TMEM178A: variants seen among roughly 807,000 people sequenced by gnomAD.
TMEM178A encodes transmembrane protein 178A.
A neutral mutation model predicts 29.1 loss-of-function variants in TMEM178A; 12 were observed. The ratio of observed to expected loss-of-function variants is 0.41; its 90% CI spans 0.26 to 0.67. The LOEUF (loss-of-function observed/expected upper bound fraction) is 0.67. Among genes scored for constraint, TMEM178A ranks in the 30% least tolerant of loss-of-function variants. The pLI, the probability that TMEM178A is intolerant of heterozygous loss-of-function variation, is 0.29. For synonymous variants in TMEM178A, 210 were observed against 187.2 expected, an observed-to-expected ratio of 1.12 and a Z score of -0.99; for missense variants, 366 against 419.1, an observed-to-expected ratio of 0.87 and a Z score of 1.11.
At chr2:39,701,790 T>G (rs964243834) in intron 1 of TMEM178A, among the ~76,000 whole-genome samples, 5 of 152,152 alleles carry the variant, frequency 3.3e-5, no homozygotes, top group African/African-American at 1.2e-4. Context: ...AGTTTGCTGC[T>G]TTTTTCTACC....
chr2:39,677,366 G>A (rs1670674770), intron 1 of TMEM178A, among the ~76,000 whole-genome samples: 1 of 152,172 alleles, frequency 6.6e-6, no homozygotes, highest in Non-Finnish European at 1.5e-5. Context: ...TGGCAACTGA[G>A]TGACCATGAT....
Position 39,699,026 on chromosome 2 carries a change from A to AT in TMEM178A, c.401-5038dup, listed in dbSNP as rs112782718. Reference sequence around the variant, plus strand: ...AGTAATAGCCTCTGTTTCATTCCTGATTTTTTTTTTTTTTTTTGAGACAGA... The same window carrying AT: ...AGTAATAGCCTCTGTTTCATTCCTGATTTTTTTTTTTTTTTTTTGAGACAGA... On this transcript the variant is annotated intron_variant, in intron 1 of 3. Transcript: ENST00000281961. Among the ~76,000 whole-genome samples, 1,119 of 135,332 alleles carry AT rather than the reference A, an allele frequency of 8.3e-3. 4 individuals carry two copies. Among genetic ancestry groups the AT allele is most frequent in the South Asian group, 0.015 (65 of 4,280 alleles). 88.8% of individuals were successfully genotyped at this position (135,332 alleles called of 152,430 possible). A position where few individuals can be genotyped will look rare whatever the true frequency, so the allele number is the denominator to read the frequency against.
At chr2:39,728,797 A>C in the TMEM178A span, among the ~76,000 whole-genome samples, 1 of 152,118 alleles carries the variant, frequency 6.6e-6, no homozygotes, top group East Asian at 1.9e-4. Flanking sequence ...TTTTCTCCTA[A>C]AGATGTATGT....
intron 1 of TMEM178A, among the ~76,000 whole-genome samples, chr2:39,689,082 G>C (rs1671203849): frequency 6.6e-6 from 1 of 152,148 alleles, no homozygotes; most frequent in African/African-American, 2.4e-5. Flanking sequence ...AGTCAATTCA[G>C]CTTGATCCAG....
intron 1 of TMEM178A, among the ~76,000 whole-genome samples, chr2:39,670,163 C>T (rs1377279775): frequency 6.6e-6 from 1 of 152,088 alleles, no homozygotes; most frequent in African/African-American, 2.4e-5. Flanking sequence ...CTTCAGGTAC[C>T]TCTGTGGCAC....
At chr2:39,702,722 C>CAAAAAAT (rs1671840194) in intron 1 of TMEM178A, among the ~76,000 whole-genome samples, 1 of 148,940 alleles carries the variant, frequency 6.7e-6, no homozygotes. Context: ...GTGGTTTCAT[C>CAAAAAAT]AAAAAATAAA....
At chr2:39,727,149 C>G in the TMEM178A span, among the ~76,000 whole-genome samples, 6 of 152,194 alleles carry the variant, frequency 3.9e-5, no homozygotes, top group East Asian at 1.2e-3. Flanking sequence ...GGATATTCCT[C>G]TATCTCAGAA....
chr2:39,705,368 A>G (rs1671978884), intron 2 of TMEM178A, among the ~76,000 whole-genome samples: 1 of 152,222 alleles, frequency 6.6e-6, no homozygotes, highest in Admixed American at 6.5e-5. Flanking sequence ...TTATATCTGA[A>G]CCTTGTGCCT....
At chr2:39,668,724 G>C (rs1175049017) in intron 1 of TMEM178A, among the ~76,000 whole-genome samples, 1 of 152,206 alleles carries the variant, frequency 6.6e-6, no homozygotes, top group Non-Finnish European at 1.5e-5. Context: ...GAGATGTCCA[G>C]AAATGCCTTG....
chr2:39,695,103 T>C (rs1472743731), intron 1 of TMEM178A, among the ~76,000 whole-genome samples: 1 of 152,214 alleles, frequency 6.6e-6, no homozygotes, highest in East Asian at 1.9e-4. Flanking sequence ...AAATTAAATC[T>C]CTGACCAGAA....
At chr2:39,721,462 G>A (rs1672700440), downstream of TMEM178A, among the ~76,000 whole-genome samples, 1 of 152,026 alleles carries the variant, frequency 6.6e-6, no homozygotes, top group South Asian at 2.1e-4. Flanking sequence ...AATACTGCCT[G>A]CTACTATAAG....
intron 1 of TMEM178A, among the ~76,000 whole-genome samples, chr2:39,696,168 A>T (rs183741937): frequency 2.6e-5 from 4 of 152,322 alleles, no homozygotes; most frequent in Admixed American, 2.6e-4. Flanking sequence ...AGGGTTGAGC[A>T]AGGAGGTCAG....
intron 1 of TMEM178A, among the ~76,000 whole-genome samples, chr2:39,667,382 G>T: frequency 6.8e-6 from 1 of 146,568 alleles, no homozygotes; most frequent in African/African-American, 2.5e-5. Flanking sequence ...AATATTCAGT[G>T]TGACAACTTG....
Position 39,707,195 on chromosome 2 carries a change from C to A in TMEM178A, c.652+9C>A. On this transcript the variant is annotated intron_variant, in intron 3 of 3. Transcript: ENST00000281961. The stretch of plus-strand genomic sequence containing the variant: ...CCTGTTCCTCATGACAGGTAGGCTG[C>A]ATGCCTCAGGCCGTCTGTCCCAGCC... The A allele has an allele frequency of 6.2e-7, 1 of 1,606,408 alleles. No homozygotes were observed.
At chr2:39,678,704 CAA>C (rs1456268584) in intron 1 of TMEM178A, among the ~76,000 whole-genome samples, 2 of 152,138 alleles carry the variant, frequency 1.3e-5, no homozygotes, top group African/African-American at 4.8e-5. Flanking sequence ...AAAAAAACCC[CAA>C]ATCTCTGATA....
At chr2:39,670,618 A>C (rs554355518) in intron 1 of TMEM178A, among the ~76,000 whole-genome samples, 1 of 152,344 alleles carries the variant, frequency 6.6e-6, no homozygotes, top group Admixed American at 6.5e-5. Context: ...TATATGTTTC[A>C]ACTACTGGAT....
intron 3 of TMEM178A, among the ~76,000 whole-genome samples, chr2:39,714,484 A>G (rs1178894336): frequency 3.3e-5 from 5 of 152,240 alleles, no homozygotes; most frequent in South Asian, 4.1e-4. Flanking sequence ...AAAGCATGCC[A>G]TGAAATCCCA....
At chr2:39,667,407 A>G (rs1461616779) in intron 1 of TMEM178A, among the ~76,000 whole-genome samples, 2 of 149,700 alleles carry the variant, frequency 1.3e-5, no homozygotes, top group Non-Finnish European at 3.0e-5. Context: ...GCTTCCTTTA[A>G]CTTTCAGAAC....
Position 39,666,288 on chromosome 2 carries a change from G to C in TMEM178A, c.314G>C (p.Arg105Pro), listed in dbSNP as rs746856012. ...GGCGGGCTGGACGCCGAGTGCGGCCGGCCCCTCTTCGCCACCTACTCGGGC... is the reference window on the plus strand; with the variant it reads ...GGCGGGCTGGACGCCGAGTGCGGCCCGCCCCTCTTCGCCACCTACTCGGGC... ...GLGGLDAECG[R>P]PLFATYSGLW... Residue 105 changes from arginine (R) to proline (P), a missense_variant, in exon 1 of 4, where the codon CGG (arginine) becomes CCG (proline). Arg to Pro is a moderately radical substitution (Grantham distance 103). Around this residue, in one of 2 missense-constraint regions of TMEM178A, gnomAD observed 247 missense variants for 246.8 expected, o/e 1.00. Coordinates refer to ENST00000281961, the MANE Select transcript of TMEM178A (RefSeq NM_152390.3). 5 of 1,416,424 alleles carry C rather than the reference G, an allele frequency of 3.5e-6. No homozygotes were observed. In the South Asian group the frequency reaches 7.3e-5, roughly 21 times the overall value. The allele number at this position is 1,416,424 out of a possible 1,614,324, so 87.7% of individuals were successfully genotyped here.
Sources: allele counts gnomAD v4.1 joint callset (sites outside exome capture counted in the v4.1 genomes callset), GRCh38; gene constraint gnomAD v4.1.1; regional missense constraint gnomAD v4.1.1; transcripts MANE v1.5; gene names NCBI Gene and HGNC (gene_info 2026-07-23, HGNC 2026-07-21).